TPPP2: variants seen among roughly 807,000 people sequenced by gnomAD.
TPPP2 encodes the protein tubulin polymerization-promoting protein family member 2.
A neutral mutation model predicts 13.0 loss-of-function variants in TPPP2; 8 were observed. The observed-to-expected ratio is 0.62, with a 90% confidence interval of 0.36 to 1.11. TPPP2 has a LOEUF of 1.11. Ranked by LOEUF, TPPP2 falls within the 50% of genes most tolerant of loss-of-function variation. The probability of loss-of-function intolerance (pLI) is 0.02; values close to 1 mark genes in which losing one functional copy is unlikely to be tolerated. For synonymous variants in TPPP2, 81 were observed against 81.8 expected, an observed-to-expected ratio of 0.99 and a Z score of 0.05; for missense variants, 213 against 216.9, an observed-to-expected ratio of 0.98 and a Z score of 0.11.
At chr14:21,024,899 CG>C in intron 1 of TPPP2, 1 of 985,588 alleles carries the variant, frequency 1.0e-6, no homozygotes, top group Non-Finnish European at 1.2e-6. Flanking sequence ...GCGCAGCAAC[CG>C]AGCGCCCGCT....
downstream of TPPP2, chr14:21,033,468 G>A (rs989083744): frequency 3.0e-5 from 10 of 335,540 alleles, no homozygotes; most frequent in African/African-American, 8.5e-5. Flanking sequence ...GCCATGGTGT[G>A]AGCTGAGGCC....
chr14:21,030,963 G>A, intron 2 of TPPP2, 49 bp from the exon 3 acceptor site: 1 of 1,569,168 alleles, frequency 6.4e-7, no homozygotes, highest in African/African-American at 1.4e-5. Flanking sequence ...ACCTTGGAAG[G>A]TAATGCATTC....
rs1883139479 is a variant in TPPP2, at chr14:21,025,028, C to G, written n.236+684C>G. 1 of 986,006 alleles carries G rather than the reference C, an allele frequency of 1.0e-6. No individual in the cohort carries two copies. Among genetic ancestry groups the G allele is most frequent in the Non-Finnish European group, 1.2e-6 (1 of 830,508 alleles). The allele number at this position is 986,006 out of a possible 1,614,324, so 61.1% of individuals were successfully genotyped here. A position where few individuals can be genotyped will look rare whatever the true frequency, so the allele number is the denominator to read the frequency against. ...GGCCCCTCGCCTGCCCCTCCCCCTACCTGCTGCCGCCGCGGCCGCTTCCAC... is the reference window on the plus strand; with the variant it reads ...GGCCCCTCGCCTGCCCCTCCCCCTAGCTGCTGCCGCCGCGGCCGCTTCCAC... On this transcript the variant is annotated intron_variant and non_coding_transcript_variant, in intron 1 of 1. Coordinates refer to the TPPP2 transcript ENST00000533755. This position sits in a 1 kb window ranked among gnomAD's most constrained non-coding sequence, Gnocchi z 5.1.
chr14:21,036,343 C>G (rs745957547), downstream of TPPP2: 1 of 437,774 alleles, frequency 2.3e-6, no homozygotes, highest in South Asian at 1.6e-5. Flanking sequence ...GGTAGGGGTG[C>G]CCAGTCTTTT....
upstream of TPPP2, chr14:21,028,649 T>C (rs1292688170): frequency 1.3e-5 from 2 of 152,180 alleles, no homozygotes; most frequent in Non-Finnish European, 2.9e-5. Context: ...CACAGAATAT[T>C]CTTGAGCAGG....
chr14:21,025,303 C>CT, upstream of TPPP2: 1 of 957,012 alleles, frequency 1.0e-6, no homozygotes, highest in Non-Finnish European at 1.2e-6. This position sits in a 1 kb window ranked among gnomAD's most constrained non-coding sequence, Gnocchi z 5.1. Flanking sequence ...CCACCACCCC[C>CT]TCCCCGCATT....
At chr14:21,026,580 G>A (rs191998285), upstream of TPPP2, among the ~76,000 whole-genome samples, 14 of 151,566 alleles carry the variant, frequency 9.2e-5, no homozygotes, top group Non-Finnish European at 1.6e-4. Flanking sequence ...TCCCCACTTG[G>A]CAGGGTCTAC....
downstream of TPPP2, chr14:21,034,055 AG>A: frequency 1.2e-6 from 2 of 1,614,162 alleles, no homozygotes; most frequent in Non-Finnish European, 1.7e-6. Context: ...TGGCCTTCCA[AG>A]GGGCATGTAT....
At chr14:21,028,576 G>T (rs957049687), upstream of TPPP2, 3 of 152,132 alleles carry the variant, frequency 2.0e-5, no homozygotes, top group African/African-American at 7.2e-5. Flanking sequence ...CTAGTTAGTT[G>T]TATAGGTCCT....
downstream of TPPP2, chr14:21,035,876 C>T (rs1884590063): frequency 4.4e-6 from 2 of 455,414 alleles, no homozygotes; most frequent in Non-Finnish European, 8.8e-6. Context: ...GGAGGCGGTC[C>T]TGCATGGTGG....
In TPPP2 at chr14:21,025,032, C is replaced by A; in HGVS notation, n.236+688C>A. On this transcript the variant is annotated intron_variant and non_coding_transcript_variant, in intron 1 of 1. Transcript: ENST00000533755. The surrounding 1 kb of genome is among the most constrained non-coding windows in gnomAD (Gnocchi z 5.1). Reference sequence around the variant, plus strand: ...CCTCGCCTGCCCCTCCCCCTACCTGCTGCCGCCGCGGCCGCTTCCACCTTC... The same window carrying A: ...CCTCGCCTGCCCCTCCCCCTACCTGATGCCGCCGCGGCCGCTTCCACCTTC... 1.0e-6 allele frequency: 1 copy of A among 986,068 alleles called. No homozygotes were observed. Among genetic ancestry groups the A allele is most frequent in the Non-Finnish European group, 1.2e-6 (1 of 830,460 alleles). The allele number at this position is 986,068 out of a possible 1,614,324, so 61.1% of individuals were successfully genotyped here.
upstream of TPPP2, chr14:21,028,901 G>A (rs1883876638): frequency 1.3e-5 from 2 of 152,210 alleles, no homozygotes; most frequent in Admixed American, 1.3e-4. Flanking sequence ...TATTAGATGG[G>A]AAAAGGAGGA....
At position 21,031,960 on chromosome 14, in the gene TPPP2, G is replaced by A. The variant is rs775152338; in HGVS notation, c.396G>A (p.Glu132=). 15 of 1,614,060 alleles carry A rather than the reference G, an allele frequency of 9.3e-6. No homozygotes were observed. Among genetic ancestry groups the A allele is most frequent in the Non-Finnish European group, 1.3e-5 (15 of 1,180,046 alleles). ...GCAAGTACACCGGCACCCACAAGGAGCGCTTTGATGAGAGTGGCAAGGGCA... is the reference window on the plus strand; with the variant it reads ...GCAAGTACACCGGCACCCACAAGGAACGCTTTGATGAGAGTGGCAAGGGCA... ...DTSKYTGTHK[E]RFDESGKGKG... The change falls in exon 4 of 4, where the codon GAG becomes GAA. Residue 132 remains glutamate (E), a synonymous_variant. Transcript: ENST00000321760.
Position 21,031,055 on chromosome 14 carries a change from G to A in TPPP2, c.217G>A (p.Ala73Thr). 2 of 1,614,080 alleles carry A rather than the reference G, an allele frequency of 1.2e-6. No individual in the cohort carries two copies. The highest frequency in any genetic ancestry group is 8.5e-7 in the Non-Finnish European group (1 of 1,179,986). Reference sequence around the variant, plus strand: ...CATCACGTTTCAACAGTTCAAAGAGGCAGTGAAGGAACTGGGCCAGAAGCG... The same window carrying A: ...CATCACGTTTCAACAGTTCAAAGAGACAGTGAAGGAACTGGGCCAGAAGCG... ...RTITFQQFKEAVKELGQKRFK... is the reference protein window; with the variant it reads ...RTITFQQFKETVKELGQKRFK... Residue 73 changes from alanine to threonine, a missense_variant, in exon 3 of 4, where the codon GCA (alanine) becomes ACA (threonine). Coordinates refer to ENST00000321760, the MANE Select transcript of TPPP2 (RefSeq NM_173846.5).
downstream of TPPP2, chr14:21,036,212 G>C (rs1357912430): frequency 6.6e-6 from 3 of 456,212 alleles, no homozygotes; most frequent in East Asian, 1.4e-4. Context: ...GTCTCGCCTG[G>C]ACAGCACACA....
At chr14:21,025,818 G>T, upstream of TPPP2, 2 of 676,108 alleles carry the variant, frequency 3.0e-6, no homozygotes, top group Non-Finnish European at 3.7e-6. This position sits in a 1 kb window ranked among gnomAD's most constrained non-coding sequence, Gnocchi z 5.1. Flanking sequence ...GGGGTGGGGA[G>T]AGGATGGCCA....
At chr14:21,034,192 A>AG, downstream of TPPP2, 1 of 1,614,132 alleles carries the variant, frequency 6.2e-7, no homozygotes, top group Non-Finnish European at 8.5e-7. Context: ...CTTAAGGTAT[A>AG]GAAGTTCCTG....
upstream of TPPP2, among the ~76,000 whole-genome samples, chr14:21,027,179 G>T (rs534072151): frequency 6.6e-6 from 1 of 152,294 alleles, no homozygotes; most frequent in African/African-American, 2.4e-5. Flanking sequence ...GCTGCAGGCA[G>T]AAGTAAGGCT....
chr14:21,032,993 C>T (rs1457794286), downstream of TPPP2: 1 of 455,958 alleles, frequency 2.2e-6, no homozygotes, highest in Non-Finnish European at 4.4e-6. Context: ...GCCTCATTCG[C>T]TGCCTGGTCA....
Sources: allele counts gnomAD v4.1 joint callset (sites outside exome capture counted in the v4.1 genomes callset), GRCh38; gene constraint gnomAD v4.1.1; non-coding constraint Gnocchi (gnomAD v3.1); transcripts MANE v1.5; gene names NCBI Gene and HGNC (gene_info 2026-07-23, HGNC 2026-07-21).